The following XYLT1 variants were observed in gnomAD, a reference collection of about 807,000 sequenced individuals.
XYLT1 encodes the protein xylosyltransferase 1.
In XYLT1, 36 loss-of-function variants were observed where a neutral mutation model predicts 91.3. The ratio of observed to expected loss-of-function variants is 0.39; its 90% confidence interval spans 0.30 to 0.52. The LOEUF is 0.52. Ranked by LOEUF, XYLT1 falls within the 20% of genes least tolerant of loss-of-function variation. The probability of loss-of-function intolerance (pLI) is 0.68; values close to 1 mark genes in which losing one functional copy is unlikely to be tolerated. For synonymous variants in XYLT1, 588 were observed against 532.0 expected (o/e 1.11, Z -1.45); for missense variants, 1,242 against 1,284.5 (o/e 0.97, Z 0.51).
At chr16:17,187,069 T>C (rs1489361034) in intron 5 of XYLT1, among the ~76,000 whole-genome samples, 1 of 151,898 alleles carries the variant, frequency 6.6e-6, no homozygotes, top group Non-Finnish European at 1.5e-5. Flanking sequence ...TGATATAGGA[T>C]AGGAAGACAT....
At chr16:17,123,898 T>G (rs528874673) in intron 10 of XYLT1, among the ~76,000 whole-genome samples, 78 of 152,328 alleles carry the variant, frequency 5.1e-4, no homozygotes, top group African/African-American at 1.8e-3. Context: ...TCCCTCTTTG[T>G]CTTTTTTAAT....
chr16:17,233,284 A>T (rs2033196124), intron 3 of XYLT1, among the ~76,000 whole-genome samples: 2 of 152,186 alleles, frequency 1.3e-5, no homozygotes, highest in African/African-American at 4.8e-5. Context: ...GTGGCACCAG[A>T]AGACAAGTTT....
chr16:17,457,400 T>C (rs1002474812), intron 1 of XYLT1, among the ~76,000 whole-genome samples: 2 of 152,226 alleles, frequency 1.3e-5, no homozygotes, highest in Non-Finnish European at 2.9e-5. Context: ...GTTGCTGTTG[T>C]GCGTTTTTTG....
At chr16:17,353,991 T>C (rs1249441488) in intron 2 of XYLT1, among the ~76,000 whole-genome samples, 1 of 152,208 alleles carries the variant, frequency 6.6e-6, no homozygotes, top group African/African-American at 2.4e-5. Flanking sequence ...AACACCTGTG[T>C]AACCATGGCA....
At chr16:17,413,159 C>T (rs1241563028) in intron 1 of XYLT1, among the ~76,000 whole-genome samples, 1 of 152,136 alleles carries the variant, frequency 6.6e-6, no homozygotes, top group Non-Finnish European at 1.5e-5. Context: ...AGAGGTATGG[C>T]CACAGTCATC....
At chr16:17,173,692 G>T (rs759630483) in intron 5 of XYLT1, among the ~76,000 whole-genome samples, 19 of 152,250 alleles carry the variant, frequency 1.2e-4, no homozygotes, top group Non-Finnish European at 1.8e-4. Flanking sequence ...ACATCAGCAG[G>T]TCCAGCTGAG....
At chr16:17,156,126 G>A (rs2031401475) in intron 6 of XYLT1, among the ~76,000 whole-genome samples, 1 of 152,156 alleles carries the variant, frequency 6.6e-6, no homozygotes, top group South Asian at 2.1e-4. Flanking sequence ...CCAGTTCAGA[G>A]AGGTTAAGTC....
chr16:17,299,818 G>A (rs1181037392), intron 2 of XYLT1, among the ~76,000 whole-genome samples: 1 of 152,180 alleles, frequency 6.6e-6, no homozygotes, highest in Non-Finnish European at 1.5e-5. Context: ...AGAAAGACGA[G>A]GGACACAGGA....
At chr16:17,394,000 C>T (rs566073151) in intron 1 of XYLT1, among the ~76,000 whole-genome samples, 2 of 152,248 alleles carry the variant, frequency 1.3e-5, no homozygotes, top group South Asian at 4.1e-4. Context: ...TGGTCTCGAT[C>T]TCCTGACCTC....
In XYLT1 at chr16:17,427,644, C is replaced by A. The variant is rs1308264084; in HGVS notation, c.363+42790G>T. Among the ~76,000 whole-genome samples, 157 of 152,272 alleles carry A rather than the reference C, an allele frequency of 1.0e-3. 2 individuals carry two copies. Among genetic ancestry groups the A allele is most frequent in the Non-Finnish European group, 4.4e-5 (3 of 68,016 alleles). On this transcript the variant is annotated intron_variant, in intron 1 of 11. Transcript: ENST00000261381. ...CCCAACACAAGGTTGCCCAAATGTGCACAGAAGATGCTTCTACAACAGCTG... is the reference window on the plus strand; with the variant it reads ...CCCAACACAAGGTTGCCCAAATGTGAACAGAAGATGCTTCTACAACAGCTG...
intron 3 of XYLT1, 134 bp from the exon 4 acceptor site, chr16:17,200,788 A>G: frequency 2.1e-6 from 2 of 935,494 alleles, no homozygotes; most frequent in Non-Finnish European, 3.2e-6. Flanking sequence ...TTAAAACATA[A>G]TTCAATGCCA....
chr16:17,165,687 T>A (rs1422054523), intron 5 of XYLT1, among the ~76,000 whole-genome samples: 1 of 152,214 alleles, frequency 6.6e-6, no homozygotes, highest in Non-Finnish European at 1.5e-5. Flanking sequence ...AGTGAAACTC[T>A]GCCTCAAAAA....
At chr16:17,307,477 G>T (rs1397189162) in intron 2 of XYLT1, among the ~76,000 whole-genome samples, 2 of 152,032 alleles carry the variant, frequency 1.3e-5, no homozygotes, top group Non-Finnish European at 2.9e-5. Context: ...TTTATATTTT[G>T]CAGTGAAATG....
intron 1 of XYLT1, among the ~76,000 whole-genome samples, chr16:17,463,018 C>G (rs1424541398): frequency 1.3e-5 from 2 of 152,062 alleles, no homozygotes; most frequent in African/African-American, 4.8e-5. Context: ...ATAGCCATTA[C>G]CTATGGATAA....
intron 3 of XYLT1, among the ~76,000 whole-genome samples, chr16:17,245,319 G>A (rs1404599735): frequency 6.6e-6 from 1 of 152,184 alleles, no homozygotes; most frequent in East Asian, 1.9e-4. Flanking sequence ...AAATATCACC[G>A]GGGACTGGCT....
intron 3 of XYLT1, among the ~76,000 whole-genome samples, chr16:17,205,690 C>T (rs1414938279): frequency 6.6e-6 from 1 of 152,188 alleles, no homozygotes; most frequent in Non-Finnish European, 1.5e-5. Context: ...CAAAGCTGCA[C>T]TGACTCCCAG....
intron 10 of XYLT1, among the ~76,000 whole-genome samples, chr16:17,123,079 G>A (rs929102581): frequency 6.6e-6 from 1 of 152,098 alleles, no homozygotes; most frequent in Non-Finnish European, 1.5e-5. Flanking sequence ...AGTTCCATAT[G>A]AATTTTAGGA....
chr16:17,186,467 ATTT>A (rs55895412), intron 5 of XYLT1, among the ~76,000 whole-genome samples: 3 of 132,414 alleles, frequency 2.3e-5, no homozygotes, highest in Non-Finnish European at 1.6e-5. Context: ...CACCTGGTTA[ATTT>A]TTTTTTTTTT....
intron 2 of XYLT1, among the ~76,000 whole-genome samples, chr16:17,345,223 A>G (rs1422296769): frequency 1.3e-5 from 2 of 152,222 alleles, no homozygotes; most frequent in Non-Finnish European, 2.9e-5. Context: ...TCATCTCTGA[A>G]CTGCACGCAG....
Sources: gnomAD v4.1 joint callset for allele counts (sites outside exome capture counted in the v4.1 genomes callset) on GRCh38, gnomAD v4.1.1 for gene constraint, MANE v1.5 for transcripts, NCBI Gene and HGNC (gene_info 2026-07-23, HGNC 2026-07-21) for gene names.